Variants in DLG4 observed in about 807,000 individuals in gnomAD.
DLG4 encodes the protein disks large homolog 4.
In DLG4, 7 loss-of-function variants were observed where a neutral mutation model predicts 93.8. The ratio of observed to expected loss-of-function variants is 0.07; its 90% CI spans 0.04 to 0.14. The LOEUF (loss-of-function observed/expected upper bound fraction) is 0.14. DLG4 is among the 10% of genes least tolerant of loss of function. The pLI, the probability that DLG4 is intolerant of heterozygous loss-of-function variation, is 1.00. For synonymous variants in DLG4, 341 were observed against 387.6 expected, an observed-to-expected ratio of 0.88 and a Z score of 1.41; for missense variants, 545 against 992.9, an observed-to-expected ratio of 0.55 and a Z score of 6.06.
chr17:7,216,297 C>T (rs1372291472), intron 1 of DLG4, among the ~76,000 whole-genome samples: 1 of 152,118 alleles, frequency 6.6e-6, no homozygotes, highest in Non-Finnish European at 1.5e-5. Flanking sequence ...TATTGGGCAC[C>T]TGCCTTTGGG....
intron 8 of DLG4, among the ~76,000 whole-genome samples, chr17:7,200,765 C>T (rs1378815965): frequency 1.3e-5 from 2 of 151,630 alleles, no homozygotes; most frequent in Non-Finnish European, 2.9e-5. Context: ...AGGCTGGTCT[C>T]GAACTCCCAA....
chr17:7,217,544 G>C lies in DLG4; in HGVS notation c.-397C>G. The C allele has an allele frequency of 1.3e-6, 1 of 773,082 alleles. No homozygotes were observed. Among genetic ancestry groups the C allele is most frequent in the Non-Finnish European group, 1.5e-6 (1 of 645,274 alleles). 47.9% of individuals were successfully genotyped at this position (773,082 alleles called of 1,614,324 possible). A position where few individuals can be genotyped will look rare whatever the true frequency, so the allele number is the denominator to read the frequency against. On this transcript the variant is annotated 5_prime_UTR_variant, in exon 1 of 20. Coordinates refer to ENST00000399506, the MANE Select transcript of DLG4 (RefSeq NM_001321075.3). ...GCCAAACGGCCAGGGGCTAGGGGCC[G>C]TGGCGGGGGAGTGGGGTGGGGGGGT... is the stretch of plus-strand genomic sequence containing the variant.
intron 1 of DLG4, among the ~76,000 whole-genome samples, chr17:7,215,478 G>T (rs1296568882): frequency 6.6e-6 from 1 of 152,210 alleles, no homozygotes; most frequent in Non-Finnish European, 1.5e-5. Context: ...GGAATGCAGG[G>T]GACCACAGCC....
chr17:7,211,539 G>T, intron 1 of DLG4: 1 of 264,254 alleles, frequency 3.8e-6, no homozygotes, highest in Non-Finnish European at 5.8e-6. Flanking sequence ...ACGAGAAGTT[G>T]CAACCCAGAG....
At chr17:7,214,617 C>T (rs920572284) in intron 1 of DLG4, among the ~76,000 whole-genome samples, 1 of 152,248 alleles carries the variant, frequency 6.6e-6, no homozygotes, top group Non-Finnish European at 1.5e-5. Context: ...TAGCCTCAGT[C>T]TTTCCCCCAC....
chr17:7,210,046 CAAA>C (rs976444767), intron 1 of DLG4, among the ~76,000 whole-genome samples: 2 of 151,960 alleles, frequency 1.3e-5, no homozygotes, highest in African/African-American at 4.8e-5. Flanking sequence ...ATCTCCAAAA[CAAA>C]AAAGAGAGAG....
intron 8 of DLG4, chr17:7,202,689 G>C (rs2070207937): frequency 1.6e-6 from 1 of 618,474 alleles, no homozygotes; most frequent in East Asian, 2.9e-5. Context: ...ACCAGGCTTT[G>C]TGCCTTCCAG....
In DLG4 at chr17:7,193,477, A is replaced by G. The variant is rs777929878; in HGVS notation, c.1693+6T>C. The G allele has an allele frequency of 3.7e-5, 57 of 1,527,650 alleles. No homozygotes were observed. The highest frequency in any genetic ancestry group is 6.9e-5 in the Admixed American group (3 of 43,792). 94.6% of individuals were successfully genotyped at this position (1,527,650 alleles called of 1,614,324 possible). A position where few individuals can be genotyped will look rare whatever the true frequency, so the allele number is the denominator to read the frequency against. On this transcript the variant is annotated splice_donor_region_variant and intron_variant, in intron 16 of 19. Coordinates refer to ENST00000399506, the MANE Select transcript of DLG4 (RefSeq NM_001321075.3). This position sits in a 1 kb window ranked among gnomAD's most constrained non-coding sequence, Gnocchi z 6.7. Reference sequence around the variant, plus strand: ...CTTCTCCTCCATCCAAGGCCCCAGCACTCACGGGGAACACAGGATCCAAAC... The same window carrying G: ...CTTCTCCTCCATCCAAGGCCCCAGCGCTCACGGGGAACACAGGATCCAAAC...
rs1339114496 is a variant in DLG4 at position 7,188,385 on chromosome 17, C to T, written c.*2323G>A. On this transcript the variant is annotated 3_prime_UTR_variant, in exon 20 of 20. Transcript: ENST00000399506. Reference sequence around the variant, plus strand: ...GTCAGGAGTGGCTACAAAAAATGCCCTTTTGCACTGTTTGGGATTTAACCA... The same window carrying T: ...GTCAGGAGTGGCTACAAAAAATGCCTTTTTGCACTGTTTGGGATTTAACCA... Among the ~76,000 whole-genome samples, 1 of 152,118 alleles carries T rather than the reference C, an allele frequency of 6.6e-6. No individual in the cohort carries two copies. Among genetic ancestry groups the T allele is most frequent in the Non-Finnish European group, 1.5e-5 (1 of 68,016 alleles).
rs766832166 is a variant in DLG4, at chr17:7,204,171, C to T, written c.150+28G>A. ...TACTCCCTCCTTCCTTCTGCAATGG[C>T]CCCAGCCCCAAAATCTAAACAACTC... is the stretch of plus-strand genomic sequence containing the variant. On this transcript the variant is annotated intron_variant, in intron 3 of 19. Coordinates refer to ENST00000399506, the MANE Select transcript of DLG4 (RefSeq NM_001321075.3). 2.0e-5 allele frequency: 32 copies of T among 1,604,988 alleles called. 1 individual carries two copies. The highest frequency in any genetic ancestry group is 5.1e-6 in the Non-Finnish European group (6 of 1,174,926).
intron 2 of DLG4, 157 bp from the exon 3 acceptor site, chr17:7,204,409 TCACA>T: frequency 1.5e-6 from 1 of 664,862 alleles, no homozygotes; most frequent in Non-Finnish European, 2.6e-6. Context: ...TCAATCCACA[TCACA>T]CACACGCACA....
rs1044738847 is a variant in DLG4 at position 7,196,978 on chromosome 17, G to C, written c.862C>G (p.Pro288Ala). 1 of 1,613,686 alleles carries C rather than the reference G, an allele frequency of 6.2e-7. No homozygotes were observed. The highest frequency in any genetic ancestry group is 1.3e-5 in the African/African-American group (1 of 74,912). The part of the protein sequence containing the change: ...LGTDYPTAMT[P>A]TSPRRYSPVA... Reference sequence around the variant, plus strand: ...GGAGAGTAGCGCCGAGGGGAAGTGGGGGTCATGGCTGTGGGGTAGTCGGTG... The same window carrying C: ...GGAGAGTAGCGCCGAGGGGAAGTGGCGGTCATGGCTGTGGGGTAGTCGGTG... Residue 288 changes from proline (P) to alanine (A), a missense_variant, in exon 9 of 20, where the codon CCC becomes GCC. By Grantham distance (27) the Pro-to-Ala change is conservative. This residue lies in a region of DLG4 where 428 missense variants were observed against 741.4 expected (regional missense o/e 0.58). Coordinates refer to ENST00000399506, the MANE Select transcript of DLG4 (RefSeq NM_001321075.3). The surrounding 1 kb of genome is among the most constrained non-coding windows in gnomAD (Gnocchi z 8.3).
In DLG4 at chr17:7,194,087, C is replaced by A; in HGVS notation, c.1479-87G>T. The A allele has an allele frequency of 6.5e-7, 1 of 1,531,342 alleles. No individual in the cohort carries two copies. The highest frequency in any genetic ancestry group is 8.9e-7 in the Non-Finnish European group (1 of 1,128,626). The allele number at this position is 1,531,342 out of a possible 1,614,324, so 94.9% of individuals were successfully genotyped here. Reference sequence around the variant, plus strand: ...TCTGAGCCAGCTGACAACCCCTTCTCCATACTCTGGGCCAGCTGACACCCC... The same window carrying A: ...TCTGAGCCAGCTGACAACCCCTTCTACATACTCTGGGCCAGCTGACACCCC... On this transcript the variant is annotated intron_variant, in intron 12 of 19. Coordinates refer to ENST00000399506, the MANE Select transcript of DLG4 (RefSeq NM_001321075.3). This position sits in a 1 kb window ranked among gnomAD's most constrained non-coding sequence, Gnocchi z 4.4.
In DLG4 at chr17:7,190,887, G is replaced by C. The variant is rs1416619550; in HGVS notation, c.2069-73C>G. The C allele has an allele frequency of 9.4e-6, 12 of 1,274,474 alleles. No homozygotes were observed. In the African/African-American group the frequency reaches 1.3e-4, roughly 14 times the overall value. 78.9% of individuals were successfully genotyped at this position (1,274,474 alleles called of 1,614,324 possible). ...ACACCTGGCCAAGGGGGTTGCACCAGCCCAGAGGAAGGGGCACCTCTTTCC... is the reference window on the plus strand; with the variant it reads ...ACACCTGGCCAAGGGGGTTGCACCACCCCAGAGGAAGGGGCACCTCTTTCC... On this transcript the variant is annotated intron_variant, in intron 19 of 19. Coordinates refer to ENST00000399506, the MANE Select transcript of DLG4 (RefSeq NM_001321075.3).
chr17:7,191,733 C>G lies in DLG4; in HGVS notation c.1976+160G>C, dbSNP rs1248782388. On this transcript the variant is annotated intron_variant, in intron 18 of 19. Transcript: ENST00000399506. This position sits in a 1 kb window ranked among gnomAD's most constrained non-coding sequence, Gnocchi z 6.6. ...CCAAGGCAGGAGAGGAGGGGAAAGA[C>G]CCGATTCCCCCACATCCTCTGGGTT... 1 of 578,196 alleles carries G rather than the reference C, an allele frequency of 1.7e-6. No individual in the cohort carries two copies. Among genetic ancestry groups the G allele is most frequent in the Non-Finnish European group, 3.1e-6 (1 of 325,046 alleles). The allele number at this position is 578,196 out of a possible 1,614,324, so 35.8% of individuals were successfully genotyped here.
Position 7,193,639 on chromosome 17 carries a change from T to TGGGGCCAAGGCA in DLG4, c.1591+16_1591+27dup. The stretch of plus-strand genomic sequence containing the variant: ...GCAGGGTTGGGGGAGCAGCAAGTGC[T>TGGGGCCAAGGCA]GGGGCCAAGGCAGGGGCCAGGGCTC... On this transcript the variant is annotated intron_variant, in intron 15 of 19. Coordinates refer to ENST00000399506, the MANE Select transcript of DLG4 (RefSeq NM_001321075.3). The surrounding 1 kb of genome is among the most constrained non-coding windows in gnomAD (Gnocchi z 6.7). The TGGGGCCAAGGCA allele has an allele frequency of 6.5e-7, 1 of 1,533,148 alleles. No homozygotes were observed. The highest frequency in any genetic ancestry group is 8.8e-7 in the Non-Finnish European group (1 of 1,142,196). 95.0% of individuals were successfully genotyped at this position (1,533,148 alleles called of 1,614,324 possible).
At position 7,191,158 on chromosome 17, in the gene DLG4, C is replaced by T; in HGVS notation, c.2068+109G>A. 1 of 1,045,322 alleles carries T rather than the reference C, an allele frequency of 9.6e-7. No homozygotes were observed. The highest frequency in any genetic ancestry group is 1.4e-5 in the South Asian group (1 of 73,438). 64.8% of individuals were successfully genotyped at this position (1,045,322 alleles called of 1,614,324 possible). The stretch of plus-strand genomic sequence containing the variant: ...TACAGGCGTGAGCCACCATGCCGCG[C>T]CCACAGGGGCACCTCTTTCTAAGCC... On this transcript the variant is annotated intron_variant, in intron 19 of 19. Transcript: ENST00000399506. The surrounding 1 kb of genome is among the most constrained non-coding windows in gnomAD (Gnocchi z 6.6).
At chr17:7,209,703 G>A in intron 1 of DLG4, among the ~76,000 whole-genome samples, 1 of 152,274 alleles carries the variant, frequency 6.6e-6, no homozygotes, top group South Asian at 2.1e-4. Flanking sequence ...CCAAGAGGTG[G>A]AGGCTGCAGT....
rs2070592691 is a variant in DLG4, at chr17:7,208,746, C to T, written c.31-507G>A. Among the ~76,000 whole-genome samples the T allele has an allele frequency of 6.6e-6, 1 of 152,080 alleles. No homozygotes were observed. Among genetic ancestry groups the T allele is most frequent in the Non-Finnish European group, 1.5e-5 (1 of 68,008 alleles). Reference sequence around the variant, plus strand: ...TACTCTGCATGGCATCCTCCCCGCGCCCCACCTCCATGGCCTCAGTCTCCC... The same window carrying T: ...TACTCTGCATGGCATCCTCCCCGCGTCCCACCTCCATGGCCTCAGTCTCCC... On this transcript the variant is annotated intron_variant, in intron 1 of 19. Transcript: ENST00000399506. The surrounding 1 kb of genome is among the most constrained non-coding windows in gnomAD (Gnocchi z 5.4).
Sources: gnomAD v4.1 joint callset for allele counts (sites outside exome capture counted in the v4.1 genomes callset) on GRCh38, gnomAD v4.1.1 for gene constraint, gnomAD v4.1.1 regional missense constraint, Gnocchi (gnomAD v3.1) non-coding constraint, MANE v1.5 for transcripts, NCBI Gene and HGNC (gene_info 2026-07-23, HGNC 2026-07-21) for gene names.